Variants in SMG9 observed in about 807,000 individuals in gnomAD.
SMG9 encodes the protein SMG9 nonsense mediated mRNA decay factor.
A neutral mutation model predicts 64.0 loss-of-function variants in SMG9; 55 were observed. The observed-to-expected ratio is 0.86, with a 90% confidence interval of 0.69 to 1.08. The LOEUF (loss-of-function observed/expected upper bound fraction) is 1.08. Ranked by LOEUF, SMG9 falls within the 50% of genes least tolerant of loss-of-function variation. The pLI is 0.00. For missense variants in SMG9, 554 were observed against 681.3 expected, an observed-to-expected ratio of 0.81 and a Z score of 2.08; for synonymous variants, 244 against 254.8, an observed-to-expected ratio of 0.96 and a Z score of 0.41.
At chr19:43,739,645 A>G (rs148762914) in intron 7 of SMG9, 27 of 167,890 alleles carry the variant, frequency 1.6e-4, no homozygotes, top group Non-Finnish European at 9.1e-5. Context: ...AGTCAGTGCT[A>G]ACGACAGTGA....
intron 7 of SMG9, among the ~76,000 whole-genome samples, chr19:43,739,221 C>G (rs868135098): frequency 6.6e-6 from 1 of 152,248 alleles, no homozygotes; most frequent in Non-Finnish European, 1.5e-5. Flanking sequence ...CAGGCAAAAA[C>G]GCAAGGCGAG....
Position 43,740,176 on chromosome 19 carries a change from T to C in SMG9, c.744A>G (p.Arg248=). 1.2e-6 allele frequency: 2 copies of C among 1,614,136 alleles called. No homozygotes were observed. The highest frequency in any genetic ancestry group is 1.7e-6 in the Non-Finnish European group (2 of 1,180,008). The change falls in exon 7 of 14, where the codon CGA becomes CGG. Residue 248 remains arginine (R), a synonymous_variant. Coordinates refer to ENST00000270066, the MANE Select transcript of SMG9 (RefSeq NM_019108.4). ...FRAQSAEMKE[R]GGNQTSGIDF... Reference sequence around the variant, plus strand: ...CGATGCCACTGGTCTGGTTGCCCCCTCGTTCCTTCATTTCAGCGCTCTGGG... The same window carrying C: ...CGATGCCACTGGTCTGGTTGCCCCCCCGTTCCTTCATTTCAGCGCTCTGGG...
At position 43,754,701 on chromosome 19, in the gene SMG9, G is replaced by A. The variant is rs1969301503; in HGVS notation, c.-54C>T. ...CTCGGGGCGCGGTGTGCGCTCTCCC[G>A]TGACGGGAGTCGGGTGGGGGCGGGG... On this transcript the variant is annotated 5_prime_UTR_variant, in exon 1 of 14. It adds an upstream start codon to the 5' untranslated region. Coordinates refer to ENST00000270066, the MANE Select transcript of SMG9 (RefSeq NM_019108.4). 6.6e-6 allele frequency: 1 copy of A among 152,068 alleles called. No individual in the cohort carries two copies. Among genetic ancestry groups the A allele is most frequent in the Non-Finnish European group, 1.5e-5 (1 of 68,000 alleles). The allele number at this position is 152,068 out of a possible 1,614,324, so 9.4% of individuals were successfully genotyped here.
intron 9 of SMG9, 192 bp from the exon 10 acceptor site, chr19:43,734,687 C>A (rs745700173): frequency 1.8e-4 from 86 of 471,654 alleles, no homozygotes; most frequent in Non-Finnish European, 2.8e-4. Context: ...CATGGACTTA[C>A]CAACTGTATA....
At position 43,729,031 on chromosome 19, in the gene SMG9, C is replaced by T. The variant is rs1968388123; in HGVS notation, c.*2565G>A. The T allele has an allele frequency of 3.0e-6, 3 of 985,652 alleles. No individual in the cohort carries two copies. The highest frequency in any genetic ancestry group is 3.6e-6 in the Non-Finnish European group (3 of 830,126). The allele number at this position is 985,652 out of a possible 1,614,324, so 61.1% of individuals were successfully genotyped here. A position where few individuals can be genotyped will look rare whatever the true frequency, so the allele number is the denominator to read the frequency against. On this transcript the variant is annotated 3_prime_UTR_variant, in exon 14 of 14. Transcript: ENST00000270066. The stretch of plus-strand genomic sequence containing the variant: ...GGTGTCCACAGTGGCCTGCTGGCAG[C>T]ATCAGCCTGAGTCCTCTGCTGGATG...
chr19:43,752,336 C>A (rs1245422729), intron 1 of SMG9, among the ~76,000 whole-genome samples: 1 of 152,246 alleles, frequency 6.6e-6, no homozygotes, highest in African/African-American at 2.4e-5. Context: ...GTTCACACAT[C>A]AGTCTAGGGT....
rs1250855336 is a variant in SMG9, at chr19:43,733,841, GTAAA to G, written c.1103-112_1103-109del. On this transcript the variant is annotated intron_variant, in intron 10 of 13. Transcript: ENST00000270066. ...GTTACCCCTGAGTTCAGATCACTGTGTAAATATTTATATAACTTCACTTCACTTT... is the reference window on the plus strand; with the variant it reads ...GTTACCCCTGAGTTCAGATCACTGTGTATTTATATAACTTCACTTCACTTT... 4.1e-6 allele frequency: 3 copies of G among 740,182 alleles called. No individual in the cohort carries two copies. The African/African-American group carries it at 5.2e-5, about 13-fold the overall frequency. The allele number at this position is 740,182 out of a possible 1,614,324, so 45.9% of individuals were successfully genotyped here.
In SMG9 at chr19:43,729,036, G is replaced by C. The variant is rs1968388299; in HGVS notation, c.*2560C>G. 1.0e-6 allele frequency: 1 copy of C among 985,658 alleles called. No homozygotes were observed. The highest frequency in any genetic ancestry group is 1.2e-6 in the Non-Finnish European group (1 of 830,134). The allele number at this position is 985,658 out of a possible 1,614,324, so 61.1% of individuals were successfully genotyped here. A position where few individuals can be genotyped will look rare whatever the true frequency, so the allele number is the denominator to read the frequency against. On this transcript the variant is annotated 3_prime_UTR_variant, in exon 14 of 14. Transcript: ENST00000270066. Reference sequence around the variant, plus strand: ...CCACAGTGGCCTGCTGGCAGCATCAGCCTGAGTCCTCTGCTGGATGTAAAG... The same window carrying C: ...CCACAGTGGCCTGCTGGCAGCATCACCCTGAGTCCTCTGCTGGATGTAAAG...
At chr19:43,746,656 A>T in intron 5 of SMG9, among the ~76,000 whole-genome samples, 1 of 151,840 alleles carries the variant, frequency 6.6e-6, no homozygotes, top group East Asian at 1.9e-4. Context: ...CTAGGGGAGA[A>T]AAAGCAGAAG....
At chr19:43,749,357 G>A (rs1201105092) in intron 2 of SMG9, among the ~76,000 whole-genome samples, 2 of 152,192 alleles carry the variant, frequency 1.3e-5, no homozygotes, top group East Asian at 1.9e-4. Context: ...AGGTCAGCAC[G>A]GGACACAGAG....
At chr19:43,739,228 C>T (rs959689813) in intron 7 of SMG9, among the ~76,000 whole-genome samples, 2 of 152,162 alleles carry the variant, frequency 1.3e-5, no homozygotes, top group African/African-American at 4.8e-5. Context: ...AAACGCAAGG[C>T]GAGAGCCTAT....
intron 8 of SMG9, 30 bp downstream of exon 8, chr19:43,738,092 T>G (rs776494030): frequency 8.1e-6 from 13 of 1,600,430 alleles, no homozygotes; most frequent in Non-Finnish European, 1.1e-5. Flanking sequence ...ATGTAAAACC[T>G]CAGTCCTGGG....
intron 4 of SMG9, 22 bp downstream of exon 4, chr19:43,747,611 G>A: frequency 6.2e-7 from 1 of 1,614,040 alleles, no homozygotes; most frequent in Non-Finnish European, 8.5e-7. Flanking sequence ...TCCCAACCTG[G>A]TACTGCCCAG....
chr19:43,750,334 C>G (rs1407449666), intron 2 of SMG9: 3 of 662,700 alleles, frequency 4.5e-6, no homozygotes, highest in Non-Finnish European at 8.5e-6. Flanking sequence ...GTCTGGAATG[C>G]TCTTCATCTC....
At chr19:43,737,954 G>C in intron 8 of SMG9, 168 bp downstream of exon 8, 1 of 706,574 alleles carries the variant, frequency 1.4e-6, no homozygotes, top group Non-Finnish European at 2.4e-6. Flanking sequence ...GCCAGGAGTT[G>C]AGCCAGTCCT....
At position 43,734,399 on chromosome 19, in the gene SMG9, G is replaced by C. The variant is rs1968585882; in HGVS notation, c.1092C>G (p.Tyr364Ter). 2 of 1,553,968 alleles carry C rather than the reference G, an allele frequency of 1.3e-6. No individual in the cohort carries two copies. Among genetic ancestry groups the C allele is most frequent in the African/African-American group, 2.7e-5 (2 of 73,260 alleles). The change falls in exon 10 of 14, where the codon TAC becomes TAG. Residue 364 changes from tyrosine (Y) to a stop codon, truncating the protein, a stop_gained. Transcript: ENST00000270066. LOFTEE classifies it high-confidence loss of function. Reference protein sequence around the residue: ...SSGSDEGTEYYPHLVFLQNKA... With the variant: ...SSGSDEGTEY ...CAGAAAGCCTCTCACCTAGGTGGGG[G>C]TAGTACTCGGTGCCTTCATCGGAGC... is the stretch of plus-strand genomic sequence containing the variant.
At chr19:43,734,547 C>A in intron 9 of SMG9, 52 bp from the exon 10 acceptor site, 1 of 1,287,084 alleles carries the variant, frequency 7.8e-7, no homozygotes, top group South Asian at 1.3e-5. Flanking sequence ...CCCCAGGTCC[C>A]ACAGCCTGGG....
chr19:43,738,094 A>G, intron 8 of SMG9, 28 bp downstream of exon 8: 1 of 1,601,052 alleles, frequency 6.2e-7, no homozygotes, highest in East Asian at 2.2e-5. Context: ...GTAAAACCTC[A>G]GTCCTGGGCC....
intron 6 of SMG9, among the ~76,000 whole-genome samples, chr19:43,741,384 C>A (rs965021241): frequency 6.6e-6 from 1 of 152,036 alleles, no homozygotes; most frequent in Non-Finnish European, 1.5e-5. Context: ...ATGGCAAGAG[C>A]AGAAAGATGG....
Sources: gnomAD v4.1 joint callset for allele counts (sites outside exome capture counted in the v4.1 genomes callset) on GRCh38, gnomAD v4.1.1 for gene constraint, MANE v1.5 for transcripts, NCBI Gene and HGNC (gene_info 2026-07-23, HGNC 2026-07-21) for gene names.